GCC1: variants seen among roughly 807,000 people sequenced by gnomAD.
GCC1 encodes GRIP and coiled-coil domain-containing protein 1.
A neutral mutation model predicts 62.5 loss-of-function variants in GCC1; 36 were observed. The ratio of observed to expected loss-of-function variants is 0.58; its 90% CI spans 0.44 to 0.76. The LOEUF (loss-of-function observed/expected upper bound fraction) is 0.76, where lower values mean the gene tolerates loss of function less well. Ranked by LOEUF, GCC1 falls within the 30% of genes least tolerant of loss-of-function variation. GCC1 has a pLI of 0.00. For missense variants in GCC1, 885 were observed against 948.3 expected (o/e 0.93, Z 0.88); for synonymous variants, 391 against 386.8 (o/e 1.01, Z -0.13).
chr7:127,583,151 G>A lies in GCC1; in HGVS notation c.1191C>T (p.Arg397=). The A allele has an allele frequency of 6.2e-7, 1 of 1,614,076 alleles. No homozygotes were observed. The highest frequency in any genetic ancestry group is 8.5e-7 in the Non-Finnish European group (1 of 1,180,046). The change falls in exon 2 of 2, where the codon CGC becomes CGT. Residue 397 remains arginine (R), a synonymous_variant. Coordinates refer to ENST00000321407, the MANE Select transcript of GCC1 (RefSeq NM_024523.6). ...TGTTCTCCAGGTCCAGCTGCAGAATGCGCTCCTTCAGCTTCTGAATGGCCA... is the reference window on the plus strand; with the variant it reads ...TGTTCTCCAGGTCCAGCTGCAGAATACGCTCCTTCAGCTTCTGAATGGCCA... The part of the protein sequence containing the change: ...DQLAIQKLKE[R]ILQLDLENKT...
Position 127,584,196 on chromosome 7 carries a change from G to T in GCC1, c.987C>A (p.Arg329=). Residue 329 remains arginine (R), a synonymous_variant, in exon 1 of 2, where the codon CGC becomes CGA. Coordinates refer to ENST00000321407, the MANE Select transcript of GCC1 (RefSeq NM_024523.6). ...RLQELQEEAA[R]LKSHFQAQLQ... is the part of the protein sequence containing the mutation. ...ACTGAGCCTGGAAATGGCTCTTAAG[G>T]CGGGCAGCCTCTTCCTGAAGTTCTT... is the stretch of plus-strand genomic sequence containing the variant. 6.2e-7 allele frequency: 1 copy of T among 1,613,846 alleles called. No homozygotes were observed. The highest frequency in any genetic ancestry group is 8.5e-7 in the Non-Finnish European group (1 of 1,179,988).
Position 127,585,317 on chromosome 7 carries a change from T to G in GCC1, c.-135A>C, listed in dbSNP as rs1391957523. ...GCCGCACACCTACTCCACCTAGTTATCCCGGACCTAATGCGGAACGGCCGG... is the reference window on the plus strand; with the variant it reads ...GCCGCACACCTACTCCACCTAGTTAGCCCGGACCTAATGCGGAACGGCCGG... On this transcript the variant is annotated 5_prime_UTR_variant, in exon 1 of 2. Transcript: ENST00000321407. The G allele has an allele frequency of 2.4e-6, 2 of 818,646 alleles. No homozygotes were observed. The highest frequency in any genetic ancestry group is 3.7e-6 in the Non-Finnish European group (2 of 534,316). 50.7% of individuals were successfully genotyped at this position (818,646 alleles called of 1,614,324 possible). A position where few individuals can be genotyped will look rare whatever the true frequency, so the allele number is the denominator to read the frequency against.
chr7:127,582,907 G>A lies in GCC1; in HGVS notation c.1435C>T (p.Leu479Phe). The change falls in exon 2 of 2, where the codon CTC becomes TTC. Residue 479 changes from leucine to phenylalanine, a missense_variant. Coordinates refer to ENST00000321407, the MANE Select transcript of GCC1 (RefSeq NM_024523.6). This position sits in a 1 kb window ranked among gnomAD's most constrained non-coding sequence, Gnocchi z 4.8. ...EAADGEKATA[L>F]YYQQELKQLK... ...TGTTTCAGCTCCTGTTGGTAATAGA[G>A]TGCAGTAGCCTTCTCCCCATCAGCA... 6.2e-7 allele frequency: 1 copy of A among 1,614,180 alleles called. No individual in the cohort carries two copies. Among genetic ancestry groups the A allele is most frequent in the Non-Finnish European group, 8.5e-7 (1 of 1,180,038 alleles).
rs773069106 is a variant in GCC1, at chr7:127,583,261, G to A, written c.1081C>T (p.Gln361Ter). 1 of 1,611,160 alleles carries A rather than the reference G, an allele frequency of 6.2e-7. No individual in the cohort carries two copies. Among genetic ancestry groups the A allele is most frequent in the African/African-American group, 1.3e-5 (1 of 74,826 alleles). ...TGATTCTCCAGGGCTGCCACCCTCT[G>A]TTCTTCTACCTGAGATTGCTGACGG... ...QLRQQSQVEE[Q>*]RVAALENQIS... Residue 361 changes from glutamine (Q) to a stop codon, truncating the protein, a stop_gained, in exon 2 of 2, where the codon CAG becomes TAG. Transcript: ENST00000321407. LOFTEE classifies it high-confidence loss of function.
Position 127,583,275 on chromosome 7 carries a change from G to T in GCC1, c.1067C>A (p.Ser356Tyr), listed in dbSNP as rs760484513. 1 of 1,607,592 alleles carries T rather than the reference G, an allele frequency of 6.2e-7. No homozygotes were observed. The highest frequency in any genetic ancestry group is 8.5e-7 in the Non-Finnish European group (1 of 1,175,796). ...ALAEDQLRQQ[S>Y]QVEEQRVAAL... is the part of the protein sequence containing the mutation. The stretch of plus-strand genomic sequence containing the variant: ...TGCCACCCTCTGTTCTTCTACCTGA[G>T]ATTGCTGACGGAGTTGATCCTCTGC... Residue 356 changes from serine (S) to tyrosine (Y), a missense_variant, in exon 2 of 2, where the codon TCT (serine) becomes TAT (tyrosine). By Grantham distance (144) the Ser-to-Tyr change is moderately radical. Coordinates refer to ENST00000321407, the MANE Select transcript of GCC1 (RefSeq NM_024523.6).
At position 127,585,170 on chromosome 7, in the gene GCC1, C is replaced by T; in HGVS notation, c.13G>A (p.Gly5Arg). Residue 5 changes from glycine (G) to arginine (R), a missense_variant, in exon 1 of 2, where the codon GGG becomes AGG. By Grantham distance (125) the Gly-to-Arg change is moderately radical. Coordinates refer to ENST00000321407, the MANE Select transcript of GCC1 (RefSeq NM_024523.6). Reference sequence around the variant, plus strand: ...CTCGGGCCGCCCCCGAAATTCATCCCAAACTTCTCCATGGAGGGTCTGAAC... The same window carrying T: ...CTCGGGCCGCCCCCGAAATTCATCCTAAACTTCTCCATGGAGGGTCTGAAC... Reference protein sequence around the residue: MEKFGMNFGGGPSKK... With the variant: MEKFRMNFGGGPSKK... The T allele has an allele frequency of 1.2e-6, 2 of 1,600,500 alleles. No homozygotes were observed. The highest frequency in any genetic ancestry group is 1.7e-6 in the Non-Finnish European group (2 of 1,173,286).
In GCC1 at chr7:127,584,528, G is replaced by A; in HGVS notation, c.655C>T (p.Gln219Ter). The A allele has an allele frequency of 2.5e-6, 4 of 1,613,962 alleles. No homozygotes were observed. The highest frequency in any genetic ancestry group is 3.4e-6 in the Non-Finnish European group (4 of 1,180,008). ...ARLEGELKGL[Q>*]EQIAETKARL... The stretch of plus-strand genomic sequence containing the variant: ...GCTTTGGTTTCTGCTATTTGCTCCT[G>A]CAGCCCCTTCAATTCTCCCTCCAGG... Residue 219 changes from glutamine to a stop codon, truncating the protein, a stop_gained, in exon 1 of 2, where the codon CAG (glutamine) becomes TAG (stop). Coordinates refer to ENST00000321407, the MANE Select transcript of GCC1 (RefSeq NM_024523.6). LOFTEE classifies it high-confidence loss of function.
At position 127,581,525 on chromosome 7, in the gene GCC1, C is replaced by T. The variant is rs1794133716; in HGVS notation, c.*489G>A. ...GTGGATGATATGTCACTATTTCAAA[C>T]TTCCTGGTCCCTTTCCAGCCTGGTT... On this transcript the variant is annotated 3_prime_UTR_variant, in exon 2 of 2. Transcript: ENST00000321407. The T allele has an allele frequency of 6.3e-6, 1 of 158,156 alleles. No individual in the cohort carries two copies. The allele number at this position is 158,156 out of a possible 1,614,324, so 9.8% of individuals were successfully genotyped here.
At position 127,582,553 on chromosome 7, in the gene GCC1, TGA is replaced by T; in HGVS notation, c.1787_1788del (p.Leu596HisfsTer36). On this transcript the variant is annotated frameshift_variant, in exon 2 of 2. Coordinates refer to ENST00000321407, the MANE Select transcript of GCC1 (RefSeq NM_024523.6). LOFTEE classifies it high-confidence loss of function. This position sits in a 1 kb window ranked among gnomAD's most constrained non-coding sequence, Gnocchi z 4.8. ...HKQRDRALAV[L>X]TEKDLELEQL... ...TGCTCCAGTTCCAAGTCCTTCTCGG[TGA>T]GCACAGCTAGGGCACGATCCCGCTG... 6.2e-7 allele frequency: 1 copy of T among 1,611,382 alleles called. No individual in the cohort carries two copies.
At position 127,584,805 on chromosome 7, in the gene GCC1, T is replaced by C; in HGVS notation, c.378A>G (p.Pro126=). ...AACTGGCCTCTTCGGACTTTGGAGG[T>C]GGTGGTCCACGGGCCGGTCTGTCAT... The part of the protein sequence containing the change: ...VEDDRPARGP[P]PPKSEEASWS... Residue 126 remains proline (P), a synonymous_variant, in exon 1 of 2, where the codon CCA becomes CCG. Coordinates refer to ENST00000321407, the MANE Select transcript of GCC1 (RefSeq NM_024523.6). 1.9e-6 allele frequency: 3 copies of C among 1,614,054 alleles called. No individual in the cohort carries two copies. The highest frequency in any genetic ancestry group is 2.5e-6 in the Non-Finnish European group (3 of 1,180,020).
rs1358501858 is a variant in GCC1, at chr7:127,585,349, T to C, written c.-167A>G. On this transcript the variant is annotated 5_prime_UTR_variant, in exon 1 of 2. Transcript: ENST00000321407. ...CCTAATGCGGAACGGCCGGACGGAC[T>C]GGCGAAAGCGGCCGCCCGGTCCCAG... is the stretch of plus-strand genomic sequence containing the variant. The C allele has an allele frequency of 1.4e-6, 1 of 698,260 alleles. No homozygotes were observed. The highest frequency in any genetic ancestry group is 2.3e-6 in the Non-Finnish European group (1 of 434,718). 43.3% of individuals were successfully genotyped at this position (698,260 alleles called of 1,614,324 possible).
At position 127,584,488 on chromosome 7, in the gene GCC1, T is replaced by C. The variant is rs1444039023; in HGVS notation, c.695A>G (p.Gln232Arg). ...IAETKARLIT[Q>R]QHDRAQEQSD... Reference sequence around the variant, plus strand: ...CTGCTCTTGGGCCCGATCATGCTGCTGCGTGATAAGCCGGGCTTTGGTTTC... The same window carrying C: ...CTGCTCTTGGGCCCGATCATGCTGCCGCGTGATAAGCCGGGCTTTGGTTTC... Residue 232 changes from glutamine to arginine, a missense_variant, in exon 1 of 2, where the codon CAG becomes CGG. Physicochemically the swap from Gln to Arg is conservative, Grantham distance 43. Coordinates refer to ENST00000321407, the MANE Select transcript of GCC1 (RefSeq NM_024523.6). 6.2e-7 allele frequency: 1 copy of C among 1,613,996 alleles called. No individual in the cohort carries two copies. Among genetic ancestry groups the C allele is most frequent in the Non-Finnish European group, 8.5e-7 (1 of 1,180,040 alleles).
intron 1 of GCC1, 77 bp downstream of exon 1, chr7:127,584,074 A>G: frequency 1.5e-6 from 2 of 1,311,206 alleles, no homozygotes; most frequent in East Asian, 2.3e-5. Flanking sequence ...AGCTCTAACT[A>G]GCAAAGGAGG....
Position 127,585,058 on chromosome 7 carries a change from T to A in GCC1, c.125A>T (p.Tyr42Phe). The change falls in exon 1 of 2, where the codon TAT (tyrosine) becomes TTT (phenylalanine). Residue 42 changes from tyrosine to phenylalanine, a missense_variant. Tyr to Phe is a conservative substitution (Grantham distance 22, BLOSUM62 3). Coordinates refer to ENST00000321407, the MANE Select transcript of GCC1 (RefSeq NM_024523.6). ...CTCTTTCTCCTTCAGCAGGCTTTTA[T>A]AGGCACGGACCACATCCTTGAGCCG... ...QARLKDVVRA[Y>F]KSLLKEKEAL... is the part of the protein sequence containing the mutation. 1 of 1,614,198 alleles carries A rather than the reference T, an allele frequency of 6.2e-7. No homozygotes were observed. The highest frequency in any genetic ancestry group is 8.5e-7 in the Non-Finnish European group (1 of 1,180,040).
chr7:127,581,994 A>T lies in GCC1; in HGVS notation c.*20T>A. 1 of 1,584,894 alleles carries T rather than the reference A, an allele frequency of 6.3e-7. No homozygotes were observed. The highest frequency in any genetic ancestry group is 8.6e-7 in the Non-Finnish European group (1 of 1,158,470). On this transcript the variant is annotated 3_prime_UTR_variant, in exon 2 of 2. Transcript: ENST00000321407. Reference sequence around the variant, plus strand: ...CACATAAAAGAGGCACAGAAATTCCAGGAATTCATGAAAATGGCATCATCT... The same window carrying T: ...CACATAAAAGAGGCACAGAAATTCCTGGAATTCATGAAAATGGCATCATCT...
chr7:127,583,337 G>C, intron 1 of GCC1, 28 bp from the exon 2 acceptor site: 7 of 1,534,306 alleles, frequency 4.6e-6, no homozygotes, highest in Non-Finnish European at 6.2e-6. Context: ...AGACAAAAAT[G>C]CATCCACAAA....
Position 127,582,272 on chromosome 7 carries a change from C to T in GCC1, c.2070G>A (p.Glu690=), listed in dbSNP as rs765477912. Residue 690 remains glutamate, a synonymous_variant, in exon 2 of 2, where the codon GAG becomes GAA. Coordinates refer to ENST00000321407, the MANE Select transcript of GCC1 (RefSeq NM_024523.6). This position sits in a 1 kb window ranked among gnomAD's most constrained non-coding sequence, Gnocchi z 4.8. ...CCTCCTCACGATGCCGTTCGCCCTC[C>T]TCCAGCAGCCGATCCTGCAGCTGAT... ...EVHQLQDRLL[E]EGERHREEVA... 1.5e-5 allele frequency: 25 copies of T among 1,614,126 alleles called. No individual in the cohort carries two copies. In the South Asian group the frequency reaches 2.3e-4, roughly 15 times the overall value.
Position 127,582,357 on chromosome 7 carries a change from C to A in GCC1, c.1985G>T (p.Arg662Leu). The change falls in exon 2 of 2, where the codon CGC becomes CTC. Residue 662 changes from arginine (R) to leucine (L), a missense_variant. Physicochemically the swap from Arg to Leu is moderately radical, Grantham distance 102. Transcript: ENST00000321407. The surrounding 1 kb of genome is among the most constrained non-coding windows in gnomAD (Gnocchi z 4.8). ...CAGTGATGTGATCTCCACCTCCTTG[C>A]GGGCCAGTTGCTCAGCGTACAGAAA... ...TFFLYAEQLA[R>L]KEVEITSLRK... is the part of the protein sequence containing the mutation. The A allele has an allele frequency of 1.2e-6, 2 of 1,614,230 alleles. No individual in the cohort carries two copies. The highest frequency in any genetic ancestry group is 1.7e-5 in the Admixed American group (1 of 60,026).
Position 127,581,400 on chromosome 7 carries a change from A to G in GCC1, c.*614T>C, listed in dbSNP as rs1794132262. On this transcript the variant is annotated 3_prime_UTR_variant, in exon 2 of 2. Coordinates refer to ENST00000321407, the MANE Select transcript of GCC1 (RefSeq NM_024523.6). ...GCTCAGGGCCCTCTCTAGGATGGTCATAAGCGGTGTGATTGCATAGGTCAT... is the reference window on the plus strand; with the variant it reads ...GCTCAGGGCCCTCTCTAGGATGGTCGTAAGCGGTGTGATTGCATAGGTCAT... 1 of 152,988 alleles carries G rather than the reference A, an allele frequency of 6.5e-6. No homozygotes were observed. The highest frequency in any genetic ancestry group is 1.5e-5 in the Non-Finnish European group (1 of 68,694). 9.5% of individuals were successfully genotyped at this position (152,988 alleles called of 1,614,324 possible).
Sources: allele counts gnomAD v4.1 joint callset, GRCh38; gene constraint gnomAD v4.1.1; non-coding constraint Gnocchi (gnomAD v3.1); transcripts MANE v1.5; gene names NCBI Gene and HGNC (gene_info 2026-07-23, HGNC 2026-07-21).